The following PDS5B variants were observed in gnomAD, a reference collection of about 807,000 sequenced individuals.
PDS5B encodes PDS5 cohesin associated factor B.
In PDS5B, 51 loss-of-function variants were observed where a neutral mutation model predicts 184.1. The ratio of observed to expected loss-of-function variants is 0.28; its 90% CI spans 0.22 to 0.35. The LOEUF is 0.35. Ranked by LOEUF, PDS5B falls within the 10% of genes least tolerant of loss-of-function variation. The probability of loss-of-function intolerance (pLI) is 1.00; values close to 1 mark genes in which losing one functional copy is unlikely to be tolerated. For missense variants in PDS5B, 1,180 were observed against 1,723.3 expected (o/e 0.68, Z 5.58); for synonymous variants, 566 against 569.2 (o/e 0.99, Z 0.08).
chr13:32,617,633 C>T (rs2058238618), intron 1 of PDS5B, among the ~76,000 whole-genome samples: 1 of 152,080 alleles, frequency 6.6e-6, no homozygotes, highest in Non-Finnish European at 1.5e-5. Context: ...TTTCTGTTTC[C>T]CTTGCTGTTA....
chr13:32,587,414 C>T (rs911811723), intron 1 of PDS5B, among the ~76,000 whole-genome samples: 1 of 152,288 alleles, frequency 6.6e-6, no homozygotes, highest in South Asian at 2.1e-4. Context: ...AAATGGTGTG[C>T]AATTGTGACT....
chr13:32,590,096 T>C (rs935412814), intron 1 of PDS5B, among the ~76,000 whole-genome samples: 2 of 152,230 alleles, frequency 1.3e-5, no homozygotes, highest in African/African-American at 4.8e-5. Flanking sequence ...GTTTAAAAAG[T>C]ATAATCATTG....
At chr13:32,632,045 A>G (rs1436497286) in intron 1 of PDS5B, among the ~76,000 whole-genome samples, 3 of 152,236 alleles carry the variant, frequency 2.0e-5, no homozygotes, top group Non-Finnish European at 2.9e-5. Context: ...TCTCCTTCAC[A>G]TAGTAGATAA....
At chr13:32,729,519 G>A (rs1423998563) in intron 19 of PDS5B, among the ~76,000 whole-genome samples, 1 of 152,072 alleles carries the variant, frequency 6.6e-6, no homozygotes, top group African/African-American at 2.4e-5. Context: ...GAGGAATCGC[G>A]ACACTGTCTT....
intron 19 of PDS5B, among the ~76,000 whole-genome samples, chr13:32,726,346 GT>G (rs1952899624): frequency 6.6e-6 from 1 of 152,072 alleles, no homozygotes; most frequent in African/African-American, 2.4e-5. Context: ...TATTTAACCA[GT>G]TCATTATTTA....
At chr13:32,662,368 T>C (rs1188927092) in intron 6 of PDS5B, among the ~76,000 whole-genome samples, 1 of 152,134 alleles carries the variant, frequency 6.6e-6, no homozygotes, top group East Asian at 1.9e-4. Flanking sequence ...ACATGTGTTT[T>C]AGTGACTATA....
At chr13:32,727,632 C>T (rs2140941093) in intron 19 of PDS5B, among the ~76,000 whole-genome samples, 1 of 152,216 alleles carries the variant, frequency 6.6e-6, no homozygotes, top group Non-Finnish European at 1.5e-5. Context: ...ACTCCATTAT[C>T]TTCCGGATTG....
At position 32,665,588 on chromosome 13, in the gene PDS5B, C is replaced by CAAAAAAAAAA. The variant is rs34604938; in HGVS notation, c.625-2159_625-2150dup. ...TGGGCGACAGAGCGAGACTCCGACTCAAAAAAAAAAAAAAAAAAAAAAAAA... is the reference window on the plus strand; with the variant it reads ...TGGGCGACAGAGCGAGACTCCGACTCAAAAAAAAAAAAAAAAAAAAAAAAAAAAAAAAAAA... On this transcript the variant is annotated intron_variant, in intron 6 of 34. Transcript: ENST00000315596. Among the ~76,000 whole-genome samples, 118 of 25,864 alleles carry CAAAAAAAAAA rather than the reference C, an allele frequency of 4.6e-3. 6 individuals carry two copies. The highest frequency in any genetic ancestry group is 5.3e-3 in the African/African-American group (32 of 5,988). 17.0% of individuals were successfully genotyped at this position (25,864 alleles called of 152,430 possible). A position where few individuals can be genotyped will look rare whatever the true frequency, so the allele number is the denominator to read the frequency against.
intron 1 of PDS5B, among the ~76,000 whole-genome samples, chr13:32,590,373 C>A (rs1364002591): frequency 6.6e-6 from 1 of 152,158 alleles, no homozygotes; most frequent in Non-Finnish European, 1.5e-5. Flanking sequence ...ACTGAAGACA[C>A]CCTGTCCTAT....
rs746919787 is a variant in PDS5B at position 32,760,724 on chromosome 13, A to G, written c.3518+4A>G. 43 of 1,610,486 alleles carry G rather than the reference A, an allele frequency of 2.7e-5. No homozygotes were observed. Among genetic ancestry groups the G allele is most frequent in the Non-Finnish European group, 3.6e-5 (43 of 1,178,694 alleles). On this transcript the variant is annotated splice_donor_region_variant and intron_variant, in intron 30 of 34. Coordinates refer to ENST00000315596, the MANE Select transcript of PDS5B (RefSeq NM_015032.4). ...CTCCTGGAAGAATAAAGGGGAGGTA[A>G]GTGCAAAAGAAATGCCACAATTTAC...
At chr13:32,665,613 AAGAAAATAAACATCTTTACAACCTC>A (rs1950770560) in intron 6 of PDS5B, among the ~76,000 whole-genome samples, 1 of 150,170 alleles carries the variant, frequency 6.7e-6, no homozygotes, top group Non-Finnish European at 1.5e-5. Flanking sequence ...AAAAAAAAAA[AAGAAAATAAACATCTTTACAACCTC>A]AAGATAGGAA....
rs1228814649 is a variant in PDS5B, at chr13:32,655,374, ATTTT to A, written c.313-2845_313-2842del. Among the ~76,000 whole-genome samples the A allele has an allele frequency of 6.6e-4, 48 of 72,406 alleles. 1 individual carries two copies. Among genetic ancestry groups the A allele is most frequent in the East Asian group, 6.6e-3 (12 of 1,832 alleles). The allele number at this position is 72,406 out of a possible 152,430, so 47.5% of individuals were successfully genotyped here. A position where few individuals can be genotyped will look rare whatever the true frequency, so the allele number is the denominator to read the frequency against. ...TGTTCTTTGCCATATATATATATAT[ATTTT>A]TTTTTTTTTTTTTTTTTTTAGATGG... On this transcript the variant is annotated intron_variant, in intron 3 of 34. Coordinates refer to ENST00000315596, the MANE Select transcript of PDS5B (RefSeq NM_015032.4).
Position 32,775,065 on chromosome 13 carries a change from A to C in PDS5B, c.*13A>C, listed in dbSNP as rs758928515. 46 of 1,564,482 alleles carry C rather than the reference A, an allele frequency of 2.9e-5. No individual in the cohort carries two copies. Among genetic ancestry groups the C allele is most frequent in the Non-Finnish European group, 3.9e-5 (44 of 1,140,604 alleles). ...GGAACGGCGATGAACAAATGTAATT[A>C]ATAACTTTCTCTGTGAAAGCTTTGG... On this transcript the variant is annotated 3_prime_UTR_variant, in exon 35 of 35. Transcript: ENST00000315596.
chr13:32,595,709 A>G (rs867058978), intron 1 of PDS5B, among the ~76,000 whole-genome samples: 7 of 152,352 alleles, frequency 4.6e-5, no homozygotes, highest in Middle Eastern at 6.8e-3. Flanking sequence ...AGCTGTTAAT[A>G]AGCAGAGAAC....
intron 25 of PDS5B, among the ~76,000 whole-genome samples, chr13:32,755,113 T>C (rs1954127482): frequency 2.6e-5 from 4 of 152,298 alleles, no homozygotes; most frequent in South Asian, 2.1e-4. Context: ...TATTGACACA[T>C]ATACATGAGG....
In PDS5B at chr13:32,706,972, C is replaced by G; in HGVS notation, c.1895C>G (p.Thr632Arg). 1 of 1,612,444 alleles carries G rather than the reference C, an allele frequency of 6.2e-7. No homozygotes were observed. The highest frequency in any genetic ancestry group is 1.1e-5 in the South Asian group (1 of 90,828). ...CAAGTGAACAAATCAATAGATGGAA[C>G]AGCAGATGATGAAGATGAGGGTGTT... ...IKQVNKSIDG[T>R]ADDEDEGVPT... is the part of the protein sequence containing the mutation. Residue 632 changes from threonine to arginine, a missense_variant, in exon 18 of 35, where the codon ACA becomes AGA. Coordinates refer to ENST00000315596, the MANE Select transcript of PDS5B (RefSeq NM_015032.4).
At chr13:32,726,319 G>A (rs1464174248) in intron 19 of PDS5B, among the ~76,000 whole-genome samples, 2 of 152,156 alleles carry the variant, frequency 1.3e-5, no homozygotes, top group East Asian at 3.8e-4. Flanking sequence ...CATTTATTGT[G>A]TGGCTGTATC....
rs1310323352 is a variant in PDS5B at position 32,753,198 on chromosome 13, T to TG, written c.2737-133dup. On this transcript the variant is annotated intron_variant, in intron 24 of 34. Coordinates refer to ENST00000315596, the MANE Select transcript of PDS5B (RefSeq NM_015032.4). The stretch of plus-strand genomic sequence containing the variant: ...AACTTTAGTCACAACATCTCACTCT[T>TG]GTGAGCAGTGAAGCAATTATTGTAG... 8 of 646,332 alleles carry TG rather than the reference T, an allele frequency of 1.2e-5. No homozygotes were observed. In the Admixed American group the frequency reaches 2.2e-4, roughly 18 times the overall value. The allele number at this position is 646,332 out of a possible 1,614,324, so 40.0% of individuals were successfully genotyped here. A position where few individuals can be genotyped will look rare whatever the true frequency, so the allele number is the denominator to read the frequency against.
intron 7 of PDS5B, among the ~76,000 whole-genome samples, chr13:32,668,189 T>C (rs1950850421): frequency 1.3e-5 from 2 of 152,176 alleles, no homozygotes; most frequent in South Asian, 4.1e-4. Flanking sequence ...TTCAGAGACG[T>C]TGCTTACAGG....
Sources: allele counts gnomAD v4.1 joint callset (sites outside exome capture counted in the v4.1 genomes callset), GRCh38; gene constraint gnomAD v4.1.1; transcripts MANE v1.5; gene names NCBI Gene and HGNC (gene_info 2026-07-23, HGNC 2026-07-21).